Variants in CYP2S1 observed in about 807,000 individuals in gnomAD.
The protein encoded by CYP2S1 is cytochrome P450 family 2 subfamily S member 1.
A neutral mutation model predicts 43.5 loss-of-function variants in CYP2S1; 32 were observed. The observed-to-expected ratio is 0.74, with a 90% CI of 0.56 to 0.99. The LOEUF (loss-of-function observed/expected upper bound fraction) is 0.99. CYP2S1 is among the 50% of genes least tolerant of loss of function. The probability of loss-of-function intolerance (pLI) is 0.00; values close to 1 mark genes in which losing one functional copy is unlikely to be tolerated. For missense variants in CYP2S1, 575 were observed against 673.9 expected (o/e 0.85, Z 1.62); for synonymous variants, 283 against 302.9 (o/e 0.93, Z 0.68).
At chr19:41,205,904 C>G in intron 7 of CYP2S1, 54 bp from the exon 8 acceptor site, 1 of 1,589,682 alleles carries the variant, frequency 6.3e-7, no homozygotes, top group Middle Eastern at 1.7e-4. Context: ...CACTCGAGGA[C>G]CAAATGGACT....
chr19:41,196,584 G>A (rs1266414644), intron 2 of CYP2S1, among the ~76,000 whole-genome samples: 7 of 152,016 alleles, frequency 4.6e-5, no homozygotes, highest in Non-Finnish European at 8.8e-5. Flanking sequence ...AGAGGCCTGG[G>A]GCTCTGGCCG....
chr19:41,206,254 C>CCTCT (rs55800603), intron 8 of CYP2S1, 26 bp from the exon 9 acceptor site: 7 of 1,530,112 alleles, frequency 4.6e-6, no homozygotes, highest in Non-Finnish European at 6.3e-6. Context: ...CTGACTCAGC[C>CCTCT]CTCTCTCTCT....
chr19:41,193,757 G>A, intron 1 of CYP2S1: 1 of 290,866 alleles, frequency 3.4e-6, no homozygotes, highest in Non-Finnish European at 6.1e-6. Flanking sequence ...CTCCAGCCGA[G>A]GAGAAGCTGA....
chr19:41,197,686 C>A (rs1370295425), intron 2 of CYP2S1, 93 bp from the exon 3 acceptor site: 4 of 1,550,490 alleles, frequency 2.6e-6, no homozygotes, highest in African/African-American at 2.9e-5. Context: ...GGCAACAGAG[C>A]GAGATTCCGT....
rs2033586810 is a variant in CYP2S1 at position 41,206,749 on chromosome 19, A to G, written c.*261A>G. ...CTTTCCACAGACATAAATATAGTCC[A>G]TCTGCAATCACAAGCACATAGCCAG... On this transcript the variant is annotated 3_prime_UTR_variant, in exon 9 of 9. Transcript: ENST00000310054. 1 of 705,876 alleles carries G rather than the reference A, an allele frequency of 1.4e-6. No individual in the cohort carries two copies. The highest frequency in any genetic ancestry group is 2.6e-6 in the Non-Finnish European group (1 of 381,370). The allele number at this position is 705,876 out of a possible 1,614,324, so 43.7% of individuals were successfully genotyped here. A position where few individuals can be genotyped will look rare whatever the true frequency, so the allele number is the denominator to read the frequency against.
At position 41,198,923 on chromosome 19, in the gene CYP2S1, G is replaced by A; in HGVS notation, c.834+35G>A. Reference sequence around the variant, plus strand: ...GGGTGCAGGGACCCCCTCTCTGAATGGGCGTGGTGACCTGGCAGGTCCCCA... The same window carrying A: ...GGGTGCAGGGACCCCCTCTCTGAATAGGCGTGGTGACCTGGCAGGTCCCCA... On this transcript the variant is annotated intron_variant, in intron 5 of 8. Coordinates refer to ENST00000310054, the MANE Select transcript of CYP2S1 (RefSeq NM_030622.8). This position sits in a 1 kb window ranked among gnomAD's most constrained non-coding sequence, Gnocchi z 4.9. 6.3e-7 allele frequency: 1 copy of A among 1,576,668 alleles called. No homozygotes were observed. The highest frequency in any genetic ancestry group is 2.3e-5 in the East Asian group (1 of 44,238).
rs943275731 is a variant in CYP2S1 at position 41,194,699 on chromosome 19, T to C, written c.333T>C (p.Phe111=). 1.1e-5 allele frequency: 18 copies of C among 1,611,112 alleles called. No homozygotes were observed. Among genetic ancestry groups the C allele is most frequent in the Non-Finnish European group, 1.4e-5 (17 of 1,178,956 alleles). Residue 111 remains phenylalanine (F), a synonymous_variant, in exon 2 of 9, where the codon TTT becomes TTC. Transcript: ENST00000310054. The part of the protein sequence containing the change: ...RGTVAMLEGT[F]DGHGVFFSNG... ...CCGTAGCGATGCTGGAAGGGACTTT[T>C]GATGGCCATGGTAAGTCAAGGGCTG...
In CYP2S1 at chr19:41,201,169, G is replaced by T. The variant is rs145632439; in HGVS notation, c.835-62G>T. 277 of 1,581,894 alleles carry T rather than the reference G, an allele frequency of 1.8e-4. No individual in the cohort carries two copies. The African/African-American group carries it at 3.5e-3, about 20-fold the overall frequency. On this transcript the variant is annotated intron_variant, in intron 5 of 8. Transcript: ENST00000310054. ...TGTGTTTCCGACCCCAGGCTTGGCT[G>T]TTCTGGACATTTACTTCCCAAAGGC...
chr19:41,195,484 A>G (rs1285293162), intron 2 of CYP2S1, among the ~76,000 whole-genome samples: 1 of 147,192 alleles, frequency 6.8e-6, no homozygotes, highest in East Asian at 2.2e-4. Flanking sequence ...GTCAGGGCCA[A>G]GATGGGGAAG....
At chr19:41,204,172 A>G (rs2033531988) in intron 7 of CYP2S1, among the ~76,000 whole-genome samples, 1 of 151,976 alleles carries the variant, frequency 6.6e-6, no homozygotes, top group Non-Finnish European at 1.5e-5. Context: ...TGCTTTCTGC[A>G]TCTTTTAACT....
intron 2 of CYP2S1, 141 bp downstream of exon 2, chr19:41,194,850 T>C: frequency 7.8e-7 from 1 of 1,279,460 alleles, no homozygotes; most frequent in Non-Finnish European, 1.0e-6. Context: ...GTGCAGTGGC[T>C]AGTGCCTGAA....
At chr19:41,196,593 C>T (rs371856036) in intron 2 of CYP2S1, among the ~76,000 whole-genome samples, 8 of 151,784 alleles carry the variant, frequency 5.3e-5, no homozygotes, top group African/African-American at 9.7e-5. Flanking sequence ...GGGCTCTGGC[C>T]GAGGAATGGA....
chr19:41,194,675 C>A lies in CYP2S1; in HGVS notation c.309C>A (p.Thr103=), dbSNP rs373910816. 1 of 1,612,040 alleles carries A rather than the reference C, an allele frequency of 6.2e-7. No homozygotes were observed. Among genetic ancestry groups the A allele is most frequent in the South Asian group, 1.1e-5 (1 of 90,682 alleles). ...GQAEEFSGRG[T]VAMLEGTFDG... is the part of the protein sequence containing the mutation. ...CTGAGGAGTTCAGCGGCCGGGGAAC[C>A]GTAGCGATGCTGGAAGGGACTTTTG... Residue 103 remains threonine (T), a synonymous_variant, in exon 2 of 9, where the codon ACC becomes ACA. Transcript: ENST00000310054.
At chr19:41,197,572 C>T (rs940117858) in intron 2 of CYP2S1, among the ~76,000 whole-genome samples, 5 of 151,254 alleles carry the variant, frequency 3.3e-5, no homozygotes, top group African/African-American at 7.3e-5. Flanking sequence ...TGGTGGCGGG[C>T]GCCTGTAGTC....
chr19:41,205,925 G>A (rs773244290), intron 7 of CYP2S1, 33 bp from the exon 8 acceptor site: 1 of 1,604,456 alleles, frequency 6.2e-7, no homozygotes, highest in African/African-American at 1.3e-5. Context: ...GGGGTGGGAA[G>A]GGGTTTATAG....
In CYP2S1 at chr19:41,198,617, G is replaced by C; in HGVS notation, c.649G>C (p.Gly217Arg). 1 of 1,614,078 alleles carries C rather than the reference G, an allele frequency of 6.2e-7. No individual in the cohort carries two copies. Among genetic ancestry groups the C allele is most frequent in the Non-Finnish European group, 8.5e-7 (1 of 1,179,998 alleles). Residue 217 changes from glycine (G) to arginine (R), a missense_variant, in exon 4 of 9, where the codon GGT becomes CGT. By Grantham distance (125) the Gly-to-Arg change is moderately radical (BLOSUM62 -2). Coordinates refer to ENST00000310054, the MANE Select transcript of CYP2S1 (RefSeq NM_030622.8). This position sits in a 1 kb window ranked among gnomAD's most constrained non-coding sequence, Gnocchi z 4.9. ...GTLLGVSSQG[G>R]QTYEMFSWFL... is the part of the protein sequence containing the mutation. ...CCTGCTGGGAGTCAGCTCCCAGGGG[G>C]GTCAGGTGAGTGGGTGGGACCCCTC...
rs754916123 is a variant in CYP2S1 at position 41,198,880 on chromosome 19, A to G, written c.826A>G (p.Met276Val). The change falls in exon 5 of 9, where the codon ATG (methionine) becomes GTG (valine). Residue 276 changes from methionine to valine, a missense_variant. By Grantham distance (21) the Met-to-Val change is conservative. Around this residue, in one of 2 missense-constraint regions of CYP2S1, gnomAD observed 353 missense variants for 367.6 expected, o/e 0.96. Transcript: ENST00000310054. The surrounding 1 kb of genome is among the most constrained non-coding windows in gnomAD (Gnocchi z 4.9). ...CCTTGTCGATGCCTTCCTGCTGAAG[A>G]TGGCACAGGTGTGGGAAGGGTGCAG... The part of the protein sequence containing the change: ...RDLVDAFLLK[M>V]AQEEQNPGTE... 7 of 1,612,126 alleles carry G rather than the reference A, an allele frequency of 4.3e-6. No homozygotes were observed. The South Asian group carries it at 7.7e-5, about 18-fold the overall frequency.
chr19:41,205,396 CTT>C (rs1171891956), intron 7 of CYP2S1, among the ~76,000 whole-genome samples: 9 of 83,482 alleles, frequency 1.1e-4, no homozygotes, highest in East Asian at 6.3e-4. Context: ...CTCTCTCTTT[CTT>C]TCTCTCTTTC....
In CYP2S1 at chr19:41,198,317, C is replaced by A; in HGVS notation, c.494-145C>A. On this transcript the variant is annotated intron_variant, in intron 3 of 8. Transcript: ENST00000310054. This position sits in a 1 kb window ranked among gnomAD's most constrained non-coding sequence, Gnocchi z 4.9. ...TTTCTCTGTCCCTATCTGTCTGTATCCTTCTTTGCCTGTTTAGCTCTCTCC... is the reference window on the plus strand; with the variant it reads ...TTTCTCTGTCCCTATCTGTCTGTATACTTCTTTGCCTGTTTAGCTCTCTCC... 1 of 1,031,072 alleles carries A rather than the reference C, an allele frequency of 9.7e-7. No homozygotes were observed. Among genetic ancestry groups the A allele is most frequent in the Non-Finnish European group, 1.4e-6 (1 of 703,336 alleles). 63.9% of individuals were successfully genotyped at this position (1,031,072 alleles called of 1,614,324 possible).
Sources: allele counts gnomAD v4.1 joint callset (sites outside exome capture counted in the v4.1 genomes callset), GRCh38; gene constraint gnomAD v4.1.1; regional missense constraint gnomAD v4.1.1; non-coding constraint Gnocchi (gnomAD v3.1); transcripts MANE v1.5; gene names NCBI Gene and HGNC (gene_info 2026-07-23, HGNC 2026-07-21).